LAMB4: variants seen among roughly 807,000 people sequenced by gnomAD.
The protein encoded by LAMB4 is laminin subunit beta 4.
A neutral mutation model predicts 199.2 loss-of-function variants in LAMB4; 196 were observed. The ratio of observed to expected loss-of-function variants is 0.98; its 90% CI spans 0.88 to 1.11. The LOEUF (loss-of-function observed/expected upper bound fraction) is 1.11. Ranked by LOEUF, LAMB4 falls within the 50% of genes least tolerant of loss-of-function variation. The pLI is 0.00. For synonymous variants in LAMB4, 744 were observed against 770.6 expected (o/e 0.97, Z 0.57); for missense variants, 2,080 against 2,171.2 (o/e 0.96, Z 0.83).
intron 10 of LAMB4, among the ~76,000 whole-genome samples, chr7:108,100,260 C>G (rs1387256543): frequency 2.0e-5 from 3 of 152,048 alleles, no homozygotes; most frequent in Non-Finnish European, 4.4e-5. Context: ...TCTACCAAAT[C>G]TTGGTTTTTC....
At chr7:108,045,613 G>A (rs1025491533) in intron 28 of LAMB4, among the ~76,000 whole-genome samples, 3 of 152,234 alleles carry the variant, frequency 2.0e-5, no homozygotes, top group African/African-American at 7.2e-5. Context: ...TCCTTTAAAT[G>A]TGGGTGAGGT....
Position 108,057,854 on chromosome 7 carries a change from A to G in LAMB4, c.3357T>C (p.Gly1119=), listed in dbSNP as rs1250589585. The G allele has an allele frequency of 4.3e-6, 7 of 1,612,786 alleles. No homozygotes were observed. In the Admixed American group the frequency reaches 1.0e-4, roughly 23 times the overall value. The part of the protein sequence containing the change: ...RCSECQENYY[G]DPPGRCIPCD... The stretch of plus-strand genomic sequence containing the variant: ...TACGAATGCATCGCCCAGGTGGATC[A>G]CCATAATAATTTTCCTGGCACTCAC... Residue 1119 remains glycine (G), a synonymous_variant, in exon 24 of 34, where the codon GGT becomes GGC. Transcript: ENST00000388781.
chr7:108,125,201 T>A (rs2038734484), intron 1 of LAMB4, among the ~76,000 whole-genome samples: 1 of 152,186 alleles, frequency 6.6e-6, no homozygotes, highest in African/African-American at 2.4e-5. Context: ...GAAGGTCCAT[T>A]CTGTATAGGC....
intron 33 of LAMB4, among the ~76,000 whole-genome samples, chr7:108,027,155 C>T (rs2034866943): frequency 6.6e-6 from 1 of 152,000 alleles, no homozygotes; most frequent in Admixed American, 6.6e-5. Flanking sequence ...TAGAAACTGA[C>T]TTTCATGGTA....
chr7:108,064,023 A>G, intron 21 of LAMB4, 38 bp from the exon 22 acceptor site: 1 of 1,453,880 alleles, frequency 6.9e-7, no homozygotes, highest in Non-Finnish European at 9.7e-7. Flanking sequence ...GGGGTGAGGT[A>G]TCAGTGTTGG....
chr7:108,090,557 G>C (rs2037359747), intron 14 of LAMB4, among the ~76,000 whole-genome samples: 1 of 152,024 alleles, frequency 6.6e-6, no homozygotes, highest in Admixed American at 6.5e-5. Flanking sequence ...CCCTGGCTCA[G>C]AGCCGTATTG....
At chr7:108,013,058 C>T in the LAMB4 span, among the ~76,000 whole-genome samples, 2 of 152,260 alleles carry the variant, frequency 1.3e-5, no homozygotes, top group African/African-American at 4.8e-5. Flanking sequence ...CCACCTCTCA[C>T]ACTCAGTGCT....
intron 18 of LAMB4, 133 bp from the exon 19 acceptor site, chr7:108,068,292 G>T (rs1421124519): frequency 5.8e-6 from 5 of 867,502 alleles, no homozygotes; most frequent in Non-Finnish European, 8.7e-6. Context: ...CTGTTAAATA[G>T]GAATAATATA....
intron 17 of LAMB4, among the ~76,000 whole-genome samples, chr7:108,072,798 C>T (rs928743607): frequency 2.0e-5 from 3 of 152,144 alleles, no homozygotes; most frequent in Non-Finnish European, 4.4e-5. Flanking sequence ...TACAGGTCTA[C>T]TACTGTATTC....
chr7:108,034,129 G>T, intron 31 of LAMB4, 79 bp downstream of exon 31: 1 of 1,330,844 alleles, frequency 7.5e-7, no homozygotes, highest in Non-Finnish European at 1.1e-6. Flanking sequence ...AGCAAGCATA[G>T]CATTGGCATA....
At position 108,048,096 on chromosome 7, in the gene LAMB4, C is replaced by T; in HGVS notation, c.4138G>A (p.Gly1380Arg). 1 of 1,613,250 alleles carries T rather than the reference C, an allele frequency of 6.2e-7. No individual in the cohort carries two copies. The highest frequency in any genetic ancestry group is 8.5e-7 in the Non-Finnish European group (1 of 1,179,774). Residue 1380 changes from glycine (G) to arginine (R), a missense_variant, in exon 28 of 34, where the codon GGA (glycine) becomes AGA (arginine). Coordinates refer to ENST00000388781, the MANE Select transcript of LAMB4 (RefSeq NM_007356.3). The stretch of plus-strand genomic sequence containing the variant: ...GGCAAGGGCACACATGGCACATTTC[C>T]TGGATCTCCGCACACCTTGCAAGAG... ...ILNEKVCGDP[G>R]NVPCVPLPCG...
At chr7:108,069,684 A>C (rs371896432) in intron 18 of LAMB4, 24 bp downstream of exon 18, 4 of 1,601,710 alleles carry the variant, frequency 2.5e-6, no homozygotes, top group African/African-American at 1.3e-5. Flanking sequence ...GTGCCTCAGT[A>C]GAGCCCATTA....
chr7:108,079,408 C>T (rs757941914), intron 15 of LAMB4, among the ~76,000 whole-genome samples, 193 bp downstream of exon 15: 1 of 152,202 alleles, frequency 6.6e-6, no homozygotes, highest in Non-Finnish European at 1.5e-5. Context: ...CCATGGGATA[C>T]AGCATGCATG....
downstream of LAMB4, among the ~76,000 whole-genome samples, chr7:108,019,681 T>C (rs1290610271): frequency 6.6e-6 from 1 of 152,102 alleles, no homozygotes; most frequent in Non-Finnish European, 1.5e-5. Flanking sequence ...TCTCTCTCGC[T>C]AGGCAGCTGT....
intron 14 of LAMB4, among the ~76,000 whole-genome samples, chr7:108,088,927 G>C (rs909301553): frequency 3.9e-5 from 6 of 152,186 alleles, no homozygotes; most frequent in African/African-American, 1.4e-4. Context: ...AGGAATCTGG[G>C]AGTAGCCAAC....
In LAMB4 at chr7:108,031,541, C is replaced by T. The variant is rs56746619; in HGVS notation, c.4819-562G>A. Among the ~76,000 whole-genome samples the T allele has an allele frequency of 4.8e-3, 726 of 152,152 alleles. 3 individuals carry two copies. The highest frequency in any genetic ancestry group is 0.017 in the African/African-American group (691 of 41,516). ...AAGACAACCACTATCTTGAATCTAA[C>T]TTCTGTCATTCCATGTATCTCTATA... On this transcript the variant is annotated intron_variant, in intron 31 of 33. Transcript: ENST00000388781.
chr7:108,057,744 GA>G, intron 24 of LAMB4, 87 bp downstream of exon 24: 1 of 806,098 alleles, frequency 1.2e-6, no homozygotes, highest in Non-Finnish European at 2.1e-6. Flanking sequence ...ACCAAAAAAA[GA>G]AATTTAAAAT....
At chr7:108,065,466 C>A (rs752954480) in intron 21 of LAMB4, among the ~76,000 whole-genome samples, 14 of 152,040 alleles carry the variant, frequency 9.2e-5, no homozygotes, top group African/African-American at 2.9e-4. Flanking sequence ...TCTTACTTAA[C>A]GTGATAATTT....
intron 25 of LAMB4, among the ~76,000 whole-genome samples, chr7:108,054,322 T>G (rs529576885): frequency 6.6e-6 from 1 of 152,324 alleles, no homozygotes; most frequent in South Asian, 2.1e-4. Context: ...CTGGGCCCTG[T>G]CACTGCATTT....
Sources: allele counts gnomAD v4.1 joint callset (sites outside exome capture counted in the v4.1 genomes callset), GRCh38; gene constraint gnomAD v4.1.1; transcripts MANE v1.5; gene names NCBI Gene and HGNC (gene_info 2026-07-23, HGNC 2026-07-21).